The following CHST12 variants were observed in gnomAD, a reference collection of about 807,000 sequenced individuals.
The protein encoded by CHST12 is carbohydrate (chondroitin 4) sulfotransferase 12.
CHST12 carries 23 observed loss-of-function variants against 27.9 expected under a neutral mutation model. That is an observed-to-expected ratio of 0.82 (90% CI 0.59 to 1.17). The LOEUF (loss-of-function observed/expected upper bound fraction) is 1.17, where lower values mean the gene tolerates loss of function less well. Ranked by LOEUF, CHST12 falls within the 50% of genes most tolerant of loss-of-function variation. The pLI is 0.00. For synonymous variants in CHST12, 322 were observed against 273.0 expected, an observed-to-expected ratio of 1.18 and a Z score of -1.77; for missense variants, 682 against 603.0, an observed-to-expected ratio of 1.13 and a Z score of -1.37.
chr7:2,432,902 C>T lies in CHST12; in HGVS notation c.263C>T (p.Thr88Met), dbSNP rs769324562. ...VKQSDLPRKE[T>M]EQPPAPGSME... ...CAGAGCGACCTTCCCAGAAAGGAGA[C>T]GGAGCAGCCGCCTGCGCCGGGGAGC... The change falls in exon 2 of 2, where the codon ACG becomes ATG. Residue 88 changes from threonine to methionine, a missense_variant. Physicochemically the swap from Thr to Met is moderately conservative, Grantham distance 81 (BLOSUM62 -1). Transcript: ENST00000618655. The T allele has an allele frequency of 1.2e-5, 20 of 1,613,256 alleles. No individual in the cohort carries two copies. Among genetic ancestry groups the T allele is most frequent in the South Asian group, 9.9e-5 (9 of 91,080 alleles).
At chr7:2,426,850 G>C (rs1181942732) in intron 1 of CHST12, among the ~76,000 whole-genome samples, 2 of 152,018 alleles carry the variant, frequency 1.3e-5, no homozygotes, top group Admixed American at 6.6e-5. Flanking sequence ...AATTAGCCGG[G>C]TGTCAGGGTG....
At position 2,434,683 on chromosome 7, in the gene CHST12, C is replaced by G. The variant is rs1327338868; in HGVS notation, c.*799C>G. On this transcript the variant is annotated 3_prime_UTR_variant, in exon 2 of 2. Transcript: ENST00000618655. ...CAGGAGTTCTGAGATGGAAAGATTG[C>G]TTGAACCCAGGAGGCAGAGGCTGCA... is the stretch of plus-strand genomic sequence containing the variant. The G allele has an allele frequency of 7.0e-6, 1 of 142,298 alleles. No individual in the cohort carries two copies. Among genetic ancestry groups the G allele is most frequent in the African/African-American group, 2.6e-5 (1 of 38,620 alleles). 8.8% of individuals were successfully genotyped at this position (142,298 alleles called of 1,614,324 possible). A position where few individuals can be genotyped will look rare whatever the true frequency, so the allele number is the denominator to read the frequency against.
chr7:2,432,909 G>C lies in CHST12; in HGVS notation c.270G>C (p.Gln90His), dbSNP rs1371752405. ...ACCTTCCCAGAAAGGAGACGGAGCA[G>C]CCGCCTGCGCCGGGGAGCATGGAGG... ...QSDLPRKETE[Q>H]PPAPGSMEES... Residue 90 changes from glutamine to histidine, a missense_variant, in exon 2 of 2, where the codon CAG (glutamine) becomes CAC (histidine). Transcript: ENST00000618655. 1 of 1,613,130 alleles carries C rather than the reference G, an allele frequency of 6.2e-7. No homozygotes were observed. The highest frequency in any genetic ancestry group is 8.5e-7 in the Non-Finnish European group (1 of 1,179,820).
At chr7:2,419,890 A>G (rs896567103) in intron 1 of CHST12, among the ~76,000 whole-genome samples, 3 of 144,384 alleles carry the variant, frequency 2.1e-5, no homozygotes, top group Non-Finnish European at 4.5e-5. Flanking sequence ...CTGCCCCCAC[A>G]ACCACCATTC....
At position 2,446,261 on chromosome 7, in the gene CHST12, G is replaced by T. The variant is rs1290023916; in HGVS notation, c.*12377G>T. ...GTTGACAAGGAAAAGCGGAGAGTTGGGAAAAAAGGACAAATAGCTGAGCGC... is the reference window on the plus strand; with the variant it reads ...GTTGACAAGGAAAAGCGGAGAGTTGTGAAAAAAGGACAAATAGCTGAGCGC... On this transcript the variant is annotated 3_prime_UTR_variant, in exon 2 of 2. Transcript: ENST00000618655. 1 of 152,752 alleles carries T rather than the reference G, an allele frequency of 6.5e-6. No homozygotes were observed. Among genetic ancestry groups the T allele is most frequent in the Non-Finnish European group, 1.5e-5 (1 of 68,124 alleles). 9.5% of individuals were successfully genotyped at this position (152,752 alleles called of 1,614,324 possible).
intron 1 of CHST12, among the ~76,000 whole-genome samples, chr7:2,427,111 G>C (rs971761467): frequency 5.3e-5 from 8 of 151,820 alleles, no homozygotes; most frequent in African/African-American, 1.9e-4. Context: ...CTTGAACCCG[G>C]GAGGCGGAGG....
At chr7:2,426,680 AACATACAAGAGTG>A in intron 1 of CHST12, among the ~76,000 whole-genome samples, 1 of 151,996 alleles carries the variant, frequency 6.6e-6, no homozygotes, top group Non-Finnish European at 1.5e-5. Flanking sequence ...AAAAAAATAT[AACATACAAGAGTG>A]ACAGGAGAGA....
chr7:2,427,268 G>T (rs80341096), intron 1 of CHST12, among the ~76,000 whole-genome samples: 1,727 of 152,244 alleles, frequency 0.011, 31 homozygotes, highest in African/African-American at 0.039. Flanking sequence ...CGAGGCCGAG[G>T]TGGCCAGCTT....
chr7:2,437,823 C>T lies in CHST12; in HGVS notation c.*3939C>T, dbSNP rs904950751. ...TTCCAGAGGGTGTAGGAGTTGTGTTCCAAGTTTGTTCCTGCAAACCCTCCG... is the reference window on the plus strand; with the variant it reads ...TTCCAGAGGGTGTAGGAGTTGTGTTTCAAGTTTGTTCCTGCAAACCCTCCG... On this transcript the variant is annotated 3_prime_UTR_variant, in exon 2 of 2. Transcript: ENST00000618655. The T allele has an allele frequency of 6.6e-6, 1 of 152,170 alleles. No individual in the cohort carries two copies. The highest frequency in any genetic ancestry group is 2.4e-5 in the African/African-American group (1 of 41,390). 9.4% of individuals were successfully genotyped at this position (152,170 alleles called of 1,614,324 possible).
intron 1 of CHST12, among the ~76,000 whole-genome samples, chr7:2,404,897 G>GC (rs2115373908): frequency 6.6e-6 from 1 of 152,318 alleles, no homozygotes; most frequent in South Asian, 2.1e-4. Context: ...TGGGGTAGAT[G>GC]CCGGTAATAG....
chr7:2,421,459 C>T (rs1252333699), intron 1 of CHST12, among the ~76,000 whole-genome samples: 29 of 138,662 alleles, frequency 2.1e-4, no homozygotes, highest in African/African-American at 6.7e-4. Flanking sequence ...TTTTTTGAGA[C>T]GGAGTCTCGC....
At chr7:2,421,227 C>CTTTTTT (rs60332594) in intron 1 of CHST12, among the ~76,000 whole-genome samples, 3 of 92,008 alleles carry the variant, frequency 3.3e-5, no homozygotes, top group Admixed American at 1.3e-4. Flanking sequence ...CCTGCTAATT[C>CTTTTTT]TTTTTTTTTT....
chr7:2,412,657 G>C (rs1781695460), intron 1 of CHST12, among the ~76,000 whole-genome samples: 1 of 152,154 alleles, frequency 6.6e-6, no homozygotes, highest in African/African-American at 2.4e-5. Flanking sequence ...ATATACTGTA[G>C]AGGCCAGCAG....
At chr7:2,429,739 G>A (rs1468137884) in intron 1 of CHST12, among the ~76,000 whole-genome samples, 1 of 152,020 alleles carries the variant, frequency 6.6e-6, no homozygotes, top group Admixed American at 6.6e-5. Flanking sequence ...TCCTGATAAA[G>A]ATAATTTGTA....
chr7:2,413,506 C>T (rs1258770862), intron 1 of CHST12, among the ~76,000 whole-genome samples: 1 of 152,166 alleles, frequency 6.6e-6, no homozygotes, highest in Non-Finnish European at 1.5e-5. Flanking sequence ...AGAGCATTTC[C>T]ATCGCCCCGA....
rs35199658 is a variant in CHST12 at position 2,415,365 on chromosome 7, CA to C, written c.-78+11706del. ...GGATGACAACAGCGAAACTCTGCCT[CA>C]AAAAAAAAAAAAAGTTTTATGTTTA... On this transcript the variant is annotated intron_variant, in intron 1 of 1. Transcript: ENST00000618655. Among the ~76,000 whole-genome samples, 731 of 131,842 alleles carry C rather than the reference CA, an allele frequency of 5.5e-3. 2 individuals are homozygous for C. The highest frequency in any genetic ancestry group is 0.023 in the Middle Eastern group (6 of 256). The allele number at this position is 131,842 out of a possible 152,430, so 86.5% of individuals were successfully genotyped here.
chr7:2,415,263 G>A (rs1781773515), intron 1 of CHST12, among the ~76,000 whole-genome samples: 1 of 151,992 alleles, frequency 6.6e-6, no homozygotes, highest in African/African-American at 2.4e-5. Flanking sequence ...CTACTCAGGA[G>A]GCTAAGGCAG....
At chr7:2,427,166 C>T (rs1782144980) in intron 1 of CHST12, among the ~76,000 whole-genome samples, 1 of 151,374 alleles carries the variant, frequency 6.6e-6, no homozygotes, top group South Asian at 2.1e-4. Context: ...GCCTGGGTGA[C>T]ACAGCGAGAC....
At chr7:2,422,488 A>G (rs1022528620) in intron 1 of CHST12, among the ~76,000 whole-genome samples, 6 of 150,456 alleles carry the variant, frequency 4.0e-5, no homozygotes, top group Non-Finnish European at 7.4e-5. Context: ...CAGGTGATCC[A>G]CCCGCCTCGG....
Sources: gnomAD v4.1 joint callset for allele counts (sites outside exome capture counted in the v4.1 genomes callset) on GRCh38, gnomAD v4.1.1 for gene constraint, MANE v1.5 for transcripts, NCBI Gene and HGNC (gene_info 2026-07-23, HGNC 2026-07-21) for gene names.